The following EIF3L variants were observed in gnomAD, a reference collection of about 807,000 sequenced individuals.
EIF3L encodes the protein eIEF associated protein HSPC021.
In EIF3L, 32 loss-of-function variants were observed where a neutral mutation model predicts 74.6. The ratio of observed to expected loss-of-function variants is 0.43; its 90% CI spans 0.32 to 0.58. The LOEUF is 0.58. Among genes scored for constraint, EIF3L ranks in the 20% least tolerant of loss-of-function variants. The pLI is 0.06. For missense variants in EIF3L, 474 were observed against 707.8 expected, an observed-to-expected ratio of 0.67 and a Z score of 3.75; for synonymous variants, 256 against 254.4, an observed-to-expected ratio of 1.01 and a Z score of -0.06.
At chr22:37,874,694 T>G (rs1201890526) in intron 9 of EIF3L, among the ~76,000 whole-genome samples, 170 bp downstream of exon 9, 1 of 152,248 alleles carries the variant, frequency 6.6e-6, no homozygotes, top group East Asian at 1.9e-4. Flanking sequence ...AAGCTAGACC[T>G]GGACGATTTT....
chr22:37,858,561 C>A, intron 4 of EIF3L, 118 bp from the exon 5 acceptor site: 2 of 869,876 alleles, frequency 2.3e-6, no homozygotes, highest in Non-Finnish European at 1.9e-6. Flanking sequence ...ATATGCATAG[C>A]AATTTAGATG....
chr22:37,888,449 G>A lies in EIF3L; in HGVS notation c.1680G>A (p.Met560Ile). The change falls in exon 13 of 13, where the codon ATG becomes ATA. Residue 560 changes from methionine (M) to isoleucine (I), a missense_variant. By Grantham distance (10) the Met-to-Ile change is conservative. This residue lies in a region of EIF3L where 293 missense variants were observed against 469.1 expected (regional missense o/e 0.62). Transcript: ENST00000652021. Reference protein sequence around the residue: ...FEELNRTLKKMGQRP With the variant: ...FEELNRTLKKIGQRP ...AGCTTAATCGAACCCTGAAGAAGAT[G>A]GGACAGAGACCTTGATGATATTCAC... is the stretch of plus-strand genomic sequence containing the variant. 6.2e-7 allele frequency: 1 copy of A among 1,613,926 alleles called. No individual in the cohort carries two copies. The highest frequency in any genetic ancestry group is 1.1e-5 in the South Asian group (1 of 91,046).
intron 7 of EIF3L, among the ~76,000 whole-genome samples, chr22:37,869,516 C>T (rs1220612664): frequency 6.6e-6 from 1 of 152,094 alleles, no homozygotes; most frequent in East Asian, 1.9e-4. Context: ...CAGATTCAAC[C>T]AGAGAACTTT....
intron 11 of EIF3L, chr22:37,879,724 T>G (rs1200720954): frequency 1.3e-5 from 2 of 152,168 alleles, no homozygotes; most frequent in Admixed American, 1.3e-4. Flanking sequence ...TCCTGCTGCC[T>G]TCTTTATTTT....
chr22:37,852,461 G>T (rs1925278263), intron 3 of EIF3L, among the ~76,000 whole-genome samples: 1 of 152,170 alleles, frequency 6.6e-6, no homozygotes. Flanking sequence ...GGCTGCCGTT[G>T]TGTAATGAGC....
Position 37,855,597 on chromosome 22 carries a change from A to G in EIF3L, c.326A>G (p.Asn109Ser). 6.2e-7 allele frequency: 1 copy of G among 1,614,200 alleles called. No individual in the cohort carries two copies. Among genetic ancestry groups the G allele is most frequent in the Admixed American group, 1.7e-5 (1 of 60,020 alleles). The change falls in exon 4 of 13, where the codon AAT becomes AGT. Residue 109 changes from asparagine (N) to serine (S), a missense_variant. Around this residue, in one of 4 missense-constraint regions of EIF3L, gnomAD observed 141 missense variants for 197.7 expected, o/e 0.71. Coordinates refer to ENST00000652021, the MANE Select transcript of EIF3L (RefSeq NM_016091.4). ...AAGCTGACTGAAAGATTCTTCAAGAATACACCTTGGCCCGAGGCTGAAGCC... is the reference window on the plus strand; with the variant it reads ...AAGCTGACTGAAAGATTCTTCAAGAGTACACCTTGGCCCGAGGCTGAAGCC... ...WTKLTERFFKNTPWPEAEAIA... is the reference protein window; with the variant it reads ...WTKLTERFFKSTPWPEAEAIA...
In EIF3L at chr22:37,889,383, A is replaced by G. The variant is rs1173617730; in HGVS notation, c.*919A>G. On this transcript the variant is annotated 3_prime_UTR_variant, in exon 13 of 13. Transcript: ENST00000652021. ...GAATTCTTAAATCCCTCTTGTTCAT[A>G]AAGCAGTATATTTGGTTTACAGGAC... 1 of 152,102 alleles carries G rather than the reference A, an allele frequency of 6.6e-6. No homozygotes were observed. Among genetic ancestry groups the G allele is most frequent in the Admixed American group, 6.6e-5 (1 of 15,258 alleles). The allele number at this position is 152,102 out of a possible 1,614,324, so 9.4% of individuals were successfully genotyped here.
chr22:37,886,951 T>TG (rs1161852154), intron 12 of EIF3L, 106 bp downstream of exon 12: 2 of 853,350 alleles, frequency 2.3e-6, no homozygotes, highest in Non-Finnish European at 3.5e-6. Context: ...TATTTTGAGA[T>TG]GGAGTCTTGT....
In EIF3L at chr22:37,849,478, C is replaced by CT; in HGVS notation, c.30dup (p.Glu11Ter). On this transcript the variant is annotated frameshift_variant, in exon 1 of 13. Transcript: ENST00000652021. LOFTEE classifies it high-confidence loss of function. ...TCTTATCCCGCTGATGATTATGAGTCTGAGGTAAGGTGGCCGTAAGGGCGC... is the reference window on the plus strand; with the variant it reads ...TCTTATCCCGCTGATGATTATGAGTCTTGAGGTAAGGTGGCCGTAAGGGCGC... 6.2e-7 allele frequency: 1 copy of CT among 1,606,212 alleles called. No homozygotes were observed. Among genetic ancestry groups the CT allele is most frequent in the Non-Finnish European group, 8.5e-7 (1 of 1,174,962 alleles).
intron 3 of EIF3L, among the ~76,000 whole-genome samples, chr22:37,854,450 TTC>T (rs1925389424): frequency 6.6e-6 from 1 of 152,052 alleles, no homozygotes; most frequent in Non-Finnish European, 1.5e-5. Flanking sequence ...TGTGTTTTGT[TTC>T]TGTGTTTTTT....
intron 7 of EIF3L, among the ~76,000 whole-genome samples, chr22:37,865,006 C>G (rs1017893875): frequency 5.3e-5 from 8 of 152,152 alleles, no homozygotes; most frequent in African/African-American, 1.9e-4. Flanking sequence ...TACACGTTGC[C>G]TGTTGATTGT....
chr22:37,886,645 C>T (rs1245102537), intron 11 of EIF3L, 120 bp from the exon 12 acceptor site: 2 of 680,318 alleles, frequency 2.9e-6, no homozygotes, highest in East Asian at 3.1e-5. Flanking sequence ...GTGGTCTTTT[C>T]CCCACCTTTA....
chr22:37,863,150 G>A (rs1026026418), intron 6 of EIF3L, 112 bp downstream of exon 6: 9 of 1,181,438 alleles, frequency 7.6e-6, no homozygotes, highest in African/African-American at 6.2e-5. Flanking sequence ...TGTGTAGGTG[G>A]GAAGAGGGGA....
chr22:37,862,986 G>A lies in EIF3L; in HGVS notation c.453G>A (p.Glu151=). The A allele has an allele frequency of 6.2e-7, 1 of 1,611,918 alleles. No homozygotes were observed. The highest frequency in any genetic ancestry group is 8.5e-7 in the Non-Finnish European group (1 of 1,179,270). Residue 151 remains glutamate (E), a synonymous_variant, in exon 6 of 13, where the codon GAG becomes GAA. Coordinates refer to ENST00000652021, the MANE Select transcript of EIF3L (RefSeq NM_016091.4). ...CTTTACAGGGGGGACCTTCCTTGGA[G>A]CAGAGGTTTGAATCCTATTACAACT... ...YAKVSGGPSL[E]QRFESYYNYC...
intron 5 of EIF3L, among the ~76,000 whole-genome samples, chr22:37,859,618 G>C (rs997215025): frequency 6.6e-6 from 1 of 151,526 alleles, no homozygotes; most frequent in Non-Finnish European, 1.5e-5. Flanking sequence ...TCCTGACCTC[G>C]TGTTCCGCCC....
chr22:37,877,656 T>C lies in EIF3L; in HGVS notation c.1078-18T>C. ...TCCGTCTCATTTGACCCAGTACCAC[T>C]CTCCACCCCATCCCCAGATTAACAA... On this transcript the variant is annotated intron_variant, in intron 10 of 12. Transcript: ENST00000652021. 1.3e-6 allele frequency: 2 copies of C among 1,578,964 alleles called. No homozygotes were observed. The highest frequency in any genetic ancestry group is 8.6e-7 in the Non-Finnish European group (1 of 1,161,950).
chr22:37,850,571 T>G (rs1221452664), intron 2 of EIF3L: 1 of 186,710 alleles, frequency 5.4e-6, no homozygotes, highest in Admixed American at 5.6e-5. Flanking sequence ...ACTCCTGACC[T>G]CAGGTGATCC....
At chr22:37,881,525 C>G (rs1927047939) in intron 11 of EIF3L, 1 of 152,278 alleles carries the variant, frequency 6.6e-6, no homozygotes, top group South Asian at 2.1e-4. Flanking sequence ...TTTCCTGCCT[C>G]AGCCTCCCGA....
chr22:37,850,579 TCCACCCGCC>T (rs1428389148), intron 2 of EIF3L: 1 of 181,580 alleles, frequency 5.5e-6, no homozygotes, highest in Non-Finnish European at 1.2e-5. Flanking sequence ...CCTCAGGTGA[TCCACCCGCC>T]CCAACCTCCC....
Sources: gnomAD v4.1 joint callset for allele counts (sites outside exome capture counted in the v4.1 genomes callset) on GRCh38, gnomAD v4.1.1 for gene constraint, gnomAD v4.1.1 regional missense constraint, MANE v1.5 for transcripts, NCBI Gene and HGNC (gene_info 2026-07-23, HGNC 2026-07-21) for gene names.